DENND1B: variants seen among roughly 807,000 people sequenced by gnomAD.
The protein encoded by DENND1B is DENN domain-containing protein 1B.
Under a neutral mutation model 90.1 loss-of-function variants are expected in DENND1B, and 59 were observed. That is an observed-to-expected ratio of 0.65 (90% confidence interval 0.53 to 0.81). DENND1B has a LOEUF of 0.81. Ranked by LOEUF, DENND1B falls within the 40% of genes least tolerant of loss-of-function variation. The probability of loss-of-function intolerance (pLI) is 0.00; values close to 1 mark genes in which losing one functional copy is unlikely to be tolerated. For missense variants in DENND1B, 862 were observed against 912.6 expected (o/e 0.94, Z 0.71); for synonymous variants, 337 against 324.6 (o/e 1.04, Z -0.41).
At chr1:197,536,985 G>A (rs546041948) in intron 20 of DENND1B, among the ~76,000 whole-genome samples, 3 of 150,910 alleles carry the variant, frequency 2.0e-5, no homozygotes, top group South Asian at 4.2e-4. Flanking sequence ...AGCTTGCAGT[G>A]AGCCGAGATC....
At chr1:197,575,381 G>C (rs1401120386) in intron 15 of DENND1B, among the ~76,000 whole-genome samples, 4 of 152,150 alleles carry the variant, frequency 2.6e-5, no homozygotes, top group Non-Finnish European at 5.9e-5. Context: ...ACCACAATGA[G>C]ATACCATCTC....
Position 197,654,378 on chromosome 1 carries a change from GA to G in DENND1B, c.367-2064del, listed in dbSNP as rs1026954240. Among the ~76,000 whole-genome samples the G allele has an allele frequency of 1.6e-4, 25 of 152,256 alleles. 1 individual carries two copies. The highest frequency in any genetic ancestry group is 6.8e-3 in the Middle Eastern group (2 of 294). On this transcript the variant is annotated intron_variant, in intron 6 of 22. Coordinates refer to ENST00000620048, the MANE Select transcript of DENND1B (RefSeq NM_001195215.2). ...GTAATCCCCAGCACTTTGGGGGGCT[GA>G]GGTGGGTGGATCAAGAGGTCAGGAG...
chr1:197,563,528 CAA>C (rs1300374408), intron 15 of DENND1B, among the ~76,000 whole-genome samples: 3 of 151,888 alleles, frequency 2.0e-5, no homozygotes, highest in Non-Finnish European at 2.9e-5. Flanking sequence ...TGCTCAGAAA[CAA>C]AGACTCCTTT....
chr1:197,767,025 C>T (rs184701352), intron 2 of DENND1B, among the ~76,000 whole-genome samples: 2 of 152,140 alleles, frequency 1.3e-5, no homozygotes, highest in Admixed American at 1.3e-4. Flanking sequence ...AACTCCTGAC[C>T]TCAAATGATC....
At chr1:197,706,919 C>CTGGGTA (rs1041413518) in intron 3 of DENND1B, among the ~76,000 whole-genome samples, 2 of 152,144 alleles carry the variant, frequency 1.3e-5, no homozygotes, top group African/African-American at 2.4e-5. Flanking sequence ...AGCAATCCCA[C>CTGGGTA]TACTGGGTAT....
At chr1:197,571,761 G>A (rs943700833) in intron 15 of DENND1B, among the ~76,000 whole-genome samples, 2 of 152,128 alleles carry the variant, frequency 1.3e-5, no homozygotes, top group African/African-American at 4.8e-5. Flanking sequence ...TTGTTAGAGT[G>A]AATAAACAAA....
chr1:197,777,734 A>G (rs1657336072), upstream of DENND1B, among the ~76,000 whole-genome samples: 2 of 152,314 alleles, frequency 1.3e-5, no homozygotes, highest in East Asian at 1.9e-4. Context: ...GGACCATACC[A>G]GTCAAAGAAC....
rs777650922 is a variant in DENND1B at position 197,672,021 on chromosome 1, TACTACA to T, written c.296+10_296+15del. The stretch of plus-strand genomic sequence containing the variant: ...TACCTATTTTGCATCTAATTTTTTT[TACTACA>T]AATACTCACCTAAGGATGCATAAAC... On this transcript the variant is annotated intron_variant, in intron 5 of 22. Coordinates refer to ENST00000620048, the MANE Select transcript of DENND1B (RefSeq NM_001195215.2). 6.2e-7 allele frequency: 1 copy of T among 1,602,970 alleles called. No individual in the cohort carries two copies. The highest frequency in any genetic ancestry group is 1.1e-5 in the South Asian group (1 of 88,864).
Position 197,735,765 on chromosome 1 carries a change from G to A in DENND1B, c.83-20691C>T, listed in dbSNP as rs372787586. 28 of 1,611,736 alleles carry A rather than the reference G, an allele frequency of 1.7e-5. No individual in the cohort carries two copies. In the African/African-American group the frequency reaches 3.1e-4, roughly 18 times the overall value. On this transcript the variant is annotated intron_variant, in intron 2 of 22. Transcript: ENST00000620048. ...ATGCGAATCGGCGTACTTTTCCAGG[G>A]GGAATCCTCGGCAGATAAGCTGGAC...
At chr1:197,587,779 C>T (rs1001285538) in intron 14 of DENND1B, among the ~76,000 whole-genome samples, 1 of 152,018 alleles carries the variant, frequency 6.6e-6, no homozygotes, top group Admixed American at 6.6e-5. Flanking sequence ...ATTATTATTA[C>T]ATTGTAATAC....
intron 2 of DENND1B, among the ~76,000 whole-genome samples, chr1:197,750,711 A>G (rs1392284747): frequency 6.6e-6 from 1 of 152,198 alleles, no homozygotes; most frequent in Non-Finnish European, 1.5e-5. Context: ...GAGCAGTTCT[A>G]TTCATATAAA....
At chr1:197,557,876 A>G (rs1671842705) in intron 15 of DENND1B, among the ~76,000 whole-genome samples, 1 of 151,890 alleles carries the variant, frequency 6.6e-6, no homozygotes, top group Non-Finnish European at 1.5e-5. Context: ...ATTTTTAGTT[A>G]CTGATGCAGA....
At chr1:197,527,326 T>TTC (rs1382072609) in intron 20 of DENND1B, among the ~76,000 whole-genome samples, 1 of 151,424 alleles carries the variant, frequency 6.6e-6, no homozygotes, top group Non-Finnish European at 1.5e-5. Flanking sequence ...TTGTTTTTTT[T>TTC]CTGAGGCAGA....
intron 10 of DENND1B, among the ~76,000 whole-genome samples, chr1:197,634,152 G>A (rs556855567): frequency 5.0e-4 from 76 of 152,238 alleles, no homozygotes; most frequent in Non-Finnish European, 9.9e-4. Flanking sequence ...TGGGTGCTCC[G>A]TCTCAGCCCT....
At position 197,512,950 on chromosome 1, in the gene DENND1B, G is replaced by A. The variant is rs144900954; in HGVS notation, c.1519C>T (p.Arg507Cys). 7.6e-5 allele frequency: 122 copies of A among 1,606,188 alleles called. No homozygotes were observed. Among genetic ancestry groups the A allele is most frequent in the African/African-American group, 6.7e-4 (50 of 74,342 alleles). ...AGGCTCTTAAGAGGCCTTTTTAAGCGTGCCTGGAGAGAGAGATTGACAATA... is the reference window on the plus strand; with the variant it reads ...AGGCTCTTAAGAGGCCTTTTTAAGCATGCCTGGAGAGAGAGATTGACAATA... ...NSEKRKLAQARLKRPLKSLDG... is the reference protein window; with the variant it reads ...NSEKRKLAQACLKRPLKSLDG... The change falls in exon 21 of 23, where the codon CGC (arginine) becomes TGC (cysteine). Residue 507 changes from arginine to cysteine, a missense_variant. Arg to Cys is a radical substitution (Grantham distance 180). Transcript: ENST00000620048.
intron 14 of DENND1B, among the ~76,000 whole-genome samples, chr1:197,583,517 G>T (rs758247351): frequency 6.6e-4 from 100 of 152,124 alleles, no homozygotes; most frequent in Non-Finnish European, 9.9e-4. Flanking sequence ...TAAAAATAAA[G>T]ATTTGACATC....
At chr1:197,681,019 CTT>C (rs886291435) in intron 3 of DENND1B, among the ~76,000 whole-genome samples, 28 of 152,208 alleles carry the variant, frequency 1.8e-4, no homozygotes, top group Admixed American at 1.7e-3. Flanking sequence ...TCTAATAACT[CTT>C]GTTATATGAA....
Position 197,548,142 on chromosome 1 carries a change from C to T in DENND1B, c.1241-1369G>A, listed in dbSNP as rs79898460. Reference sequence around the variant, plus strand: ...AGCTATGATAAAAGTTTCAAACTATCGTAGAAAGGTTAGGGTCTTATTTAG... The same window carrying T: ...AGCTATGATAAAAGTTTCAAACTATTGTAGAAAGGTTAGGGTCTTATTTAG... On this transcript the variant is annotated intron_variant, in intron 16 of 22. Coordinates refer to ENST00000620048, the MANE Select transcript of DENND1B (RefSeq NM_001195215.2). Among the ~76,000 whole-genome samples the T allele has an allele frequency of 6.9e-3, 1,057 of 152,230 alleles. 18 individuals are homozygous for T. Among genetic ancestry groups the T allele is most frequent in the African/African-American group, 0.023 (974 of 41,544 alleles).
intron 1 of DENND1B, 129 bp from the exon 2 acceptor site, chr1:197,773,061 A>C: frequency 2.6e-6 from 2 of 755,756 alleles, no homozygotes; most frequent in Non-Finnish European, 4.5e-6. Flanking sequence ...TTACTACAGT[A>C]TAGTAGAAAT....
Sources: gnomAD v4.1 joint callset for allele counts (sites outside exome capture counted in the v4.1 genomes callset) on GRCh38, gnomAD v4.1.1 for gene constraint, MANE v1.5 for transcripts, NCBI Gene and HGNC (gene_info 2026-07-23, HGNC 2026-07-21) for gene names.